Variants in PDCD10 observed in about 807,000 individuals in gnomAD.
PDCD10 encodes the protein programmed cell death protein 10.
PDCD10 carries 4 observed loss-of-function variants against 29.2 expected under a neutral mutation model. The observed-to-expected ratio is 0.14, with a 90% CI of 0.07 to 0.31. The LOEUF is 0.31. Among genes scored for constraint, PDCD10 ranks in the 10% least tolerant of loss-of-function variants. The pLI is 1.00. For missense variants in PDCD10, 183 were observed against 257.9 expected (o/e 0.71, Z 1.99); for synonymous variants, 70 against 82.2 (o/e 0.85, Z 0.80).
intron 4 of PDCD10, among the ~76,000 whole-genome samples, chr3:167,703,131 T>C (rs1201267910): frequency 1.3e-5 from 2 of 152,188 alleles, no homozygotes; most frequent in African/African-American, 4.8e-5. Flanking sequence ...AGCTGAAATA[T>C]TGACTTTTCT....
chr3:167,684,359 T>G lies in PDCD10; in HGVS notation c.588A>C (p.Arg196=). ...GTATTAAGTTGGTTTGATGAATTAG[T>G]CGGTTGGCACTTACGAACACATTTA... ...KAINVFVSAN[R]LIHQTNLILQ... is the part of the protein sequence containing the mutation. Residue 196 remains arginine (R), a synonymous_variant, in exon 9 of 9, where the codon CGA becomes CGC. Transcript: ENST00000392750. 7 of 1,607,526 alleles carry G rather than the reference T, an allele frequency of 4.4e-6. No individual in the cohort carries two copies. The highest frequency in any genetic ancestry group is 6.0e-6 in the Non-Finnish European group (7 of 1,174,364).
chr3:167,709,291 G>A (rs1222251745), intron 3 of PDCD10, among the ~76,000 whole-genome samples: 1 of 152,134 alleles, frequency 6.6e-6, no homozygotes, highest in Non-Finnish European at 1.5e-5. Flanking sequence ...AGCAATCATA[G>A]TACCTGGTTT....
intron 8 of PDCD10, among the ~76,000 whole-genome samples, chr3:167,686,869 C>T (rs545399088): frequency 6.6e-6 from 1 of 152,206 alleles, no homozygotes; most frequent in African/African-American, 2.4e-5. Flanking sequence ...TTTCAAGATA[C>T]TGAAATTTGA....
chr3:167,712,333 A>G (rs9880947), intron 3 of PDCD10, among the ~76,000 whole-genome samples: 39,780 of 151,890 alleles, frequency 0.26, 5,644 homozygotes, highest in African/African-American at 0.36. Context: ...GACAGTAATG[A>G]AGTATAGAGA....
At chr3:167,714,388 G>A (rs1046185408) in intron 3 of PDCD10, among the ~76,000 whole-genome samples, 1 of 151,698 alleles carries the variant, frequency 6.6e-6, no homozygotes, top group African/African-American at 2.4e-5. Context: ...TGTGGTAAAC[G>A]ACAAGGATGC....
chr3:167,728,314 G>A (rs1181084805), intron 2 of PDCD10, among the ~76,000 whole-genome samples: 1 of 152,070 alleles, frequency 6.6e-6, no homozygotes, highest in Non-Finnish European at 1.5e-5. Flanking sequence ...CGTATAGGGT[G>A]CAGTTGCTGT....
chr3:167,696,030 A>T (rs1475108946), intron 5 of PDCD10, among the ~76,000 whole-genome samples: 1 of 151,990 alleles, frequency 6.6e-6, no homozygotes, highest in East Asian at 1.9e-4. Flanking sequence ...GGGAGGCTTA[A>T]GTTCAACCGT....
intron 6 of PDCD10, among the ~76,000 whole-genome samples, chr3:167,695,011 C>T (rs1015387142): frequency 1.4e-4 from 22 of 152,206 alleles, no homozygotes; most frequent in Non-Finnish European, 2.5e-4. Flanking sequence ...TATGTTTTCA[C>T]TCAATCCCCT....
intron 3 of PDCD10, among the ~76,000 whole-genome samples, chr3:167,713,777 T>C (rs1446742418): frequency 3.3e-5 from 5 of 151,910 alleles, no homozygotes; most frequent in African/African-American, 1.2e-4. Context: ...TGAGCCACAG[T>C]ATGGCAATAA....
At chr3:167,728,607 G>A (rs944000805) in intron 2 of PDCD10, among the ~76,000 whole-genome samples, 3 of 152,198 alleles carry the variant, frequency 2.0e-5, no homozygotes, top group African/African-American at 7.2e-5. Context: ...GCACATGGAA[G>A]TACTTAGTAT....
At chr3:167,724,906 C>T (rs753864269) in intron 2 of PDCD10, among the ~76,000 whole-genome samples, 12 of 152,022 alleles carry the variant, frequency 7.9e-5, no homozygotes, top group Non-Finnish European at 1.8e-4. Flanking sequence ...GTTGGTTAAC[C>T]CAGGATTTCA....
At chr3:167,697,961 TTTTC>T (rs759071874) in intron 4 of PDCD10, 1 of 456,714 alleles carries the variant, frequency 2.2e-6, no homozygotes, top group Non-Finnish European at 4.4e-6. Context: ...ATGCTGATGA[TTTTC>T]TTTCCTTTTT....
intron 2 of PDCD10, among the ~76,000 whole-genome samples, chr3:167,722,667 T>C (rs1723698824): frequency 6.6e-6 from 1 of 152,114 alleles, no homozygotes; most frequent in East Asian, 1.9e-4. Context: ...GTGAAATACT[T>C]ATGAGAAAAG....
intron 6 of PDCD10, among the ~76,000 whole-genome samples, chr3:167,692,845 G>A (rs969560612): frequency 1.3e-5 from 2 of 152,234 alleles, no homozygotes; most frequent in Admixed American, 6.5e-5. Flanking sequence ...ATGAACCCGG[G>A]AGGCAGAGTT....
chr3:167,726,059 TAA>T (rs1029554701), intron 2 of PDCD10, among the ~76,000 whole-genome samples: 1 of 150,446 alleles, frequency 6.6e-6, no homozygotes, highest in Non-Finnish European at 1.5e-5. Context: ...CAGCTCATCT[TAA>T]AAGTTAACTG....
In PDCD10 at chr3:167,712,972, T is replaced by C. The variant is rs969898126; in HGVS notation, c.96+7090A>G. Among the ~76,000 whole-genome samples the C allele has an allele frequency of 2.0e-5, 3 of 152,046 alleles. No individual in the cohort carries two copies. The South Asian group carries it at 6.2e-4, about 31-fold the overall frequency. Reference sequence around the variant, plus strand: ...AATATAAGGCAAATATTATTAGAACTAAATAGAGAGACTGAGCAAAATACA... The same window carrying C: ...AATATAAGGCAAATATTATTAGAACCAAATAGAGAGACTGAGCAAAATACA... On this transcript the variant is annotated intron_variant, in intron 3 of 8. Transcript: ENST00000392750.
At chr3:167,710,159 C>T (rs540635036) in intron 3 of PDCD10, among the ~76,000 whole-genome samples, 1 of 152,280 alleles carries the variant, frequency 6.6e-6, no homozygotes, top group African/African-American at 2.4e-5. Context: ...AAATTCCCAG[C>T]TCACTGTGGT....
intron 3 of PDCD10, among the ~76,000 whole-genome samples, chr3:167,707,195 C>T (rs979509070): frequency 6.6e-6 from 1 of 152,110 alleles, no homozygotes; most frequent in African/African-American, 2.4e-5. Context: ...AAGTGTGTTC[C>T]GGCCTCTTAA....
At chr3:167,715,906 A>C (rs1722958306) in intron 3 of PDCD10, among the ~76,000 whole-genome samples, 1 of 152,004 alleles carries the variant, frequency 6.6e-6, no homozygotes, top group African/African-American at 2.4e-5. Flanking sequence ...TGGTACCAGC[A>C]ATCCCAATGC....
Sources: allele counts gnomAD v4.1 joint callset (sites outside exome capture counted in the v4.1 genomes callset), GRCh38; gene constraint gnomAD v4.1.1; transcripts MANE v1.5; gene names NCBI Gene and HGNC (gene_info 2026-07-23, HGNC 2026-07-21).